The following DPYD variants were observed in gnomAD, a reference collection of about 807,000 sequenced individuals.
DPYD encodes the protein dihydropyrimidine dehydrogenase [NADP(+)].
In DPYD, 109 loss-of-function variants were observed where a neutral mutation model predicts 116.2. The ratio of observed to expected loss-of-function variants is 0.94; its 90% CI spans 0.80 to 1.10. DPYD has a LOEUF of 1.10. DPYD is among the 50% of genes least tolerant of loss of function. The pLI is 0.00. For synonymous variants in DPYD, 440 were observed against 432.0 expected, an observed-to-expected ratio of 1.02 and a Z score of -0.23; for missense variants, 1,302 against 1,254.5, an observed-to-expected ratio of 1.04 and a Z score of -0.57.
At chr1:97,457,123 A>C (rs941513609) in intron 13 of DPYD, among the ~76,000 whole-genome samples, 4 of 152,156 alleles carry the variant, frequency 2.6e-5, no homozygotes, top group Non-Finnish European at 4.4e-5. Context: ...GTAAGGAAGA[A>C]CAAAGAAGAG....
intron 16 of DPYD, among the ~76,000 whole-genome samples, chr1:97,363,282 C>T (rs974154363): frequency 4.6e-5 from 7 of 152,112 alleles, no homozygotes; most frequent in African/African-American, 1.7e-4. Context: ...GAATGCCCAT[C>T]ATTAAAAAGT....
At chr1:97,911,392 A>G (rs1673927762) in intron 1 of DPYD, among the ~76,000 whole-genome samples, 1 of 152,106 alleles carries the variant, frequency 6.6e-6, no homozygotes, top group South Asian at 2.1e-4. Context: ...ACAGAGCCTT[A>G]AGCATACCAA....
At chr1:97,306,870 C>G (rs1667205724) in intron 16 of DPYD, among the ~76,000 whole-genome samples, 1 of 151,872 alleles carries the variant, frequency 6.6e-6, no homozygotes, top group Admixed American at 6.6e-5. Context: ...TGATCAGTAA[C>G]TTTAATTTAC....
In DPYD at chr1:97,168,357, T is replaced by C. The variant is rs544388996; in HGVS notation, c.2622+24712A>G. On this transcript the variant is annotated intron_variant, in intron 20 of 22. Coordinates refer to ENST00000370192, the MANE Select transcript of DPYD (RefSeq NM_000110.4). ...TTGGAATTTGGGCTTTCATTTCCTG[T>C]TGTCTGGGTTCAAATCTCAGCTGAG... 1.1e-4 allele frequency among the ~76,000 whole-genome samples: 17 copies of C among 152,288 alleles called. No homozygotes were observed. In the South Asian group the frequency reaches 3.1e-3, roughly 28 times the overall value.
At chr1:97,232,347 C>T (rs189010303) in intron 19 of DPYD, among the ~76,000 whole-genome samples, 2 of 152,250 alleles carry the variant, frequency 1.3e-5, no homozygotes, top group Admixed American at 1.3e-4. Flanking sequence ...CTTCAGTTTT[C>T]AGAAATTTGA....
At chr1:97,584,961 T>G (rs1212612908) in intron 10 of DPYD, among the ~76,000 whole-genome samples, 1 of 149,240 alleles carries the variant, frequency 6.7e-6, no homozygotes, top group Non-Finnish European at 1.5e-5. Context: ...ATAATAATAA[T>G]AATAATAAAG....
At chr1:97,914,571 G>A (rs933896949) in intron 1 of DPYD, among the ~76,000 whole-genome samples, 1 of 152,042 alleles carries the variant, frequency 6.6e-6, no homozygotes, top group Non-Finnish European at 1.5e-5. Context: ...TATGTATGTT[G>A]CAGTAAAAAA....
chr1:97,152,447 C>A (rs1307126663), intron 20 of DPYD, among the ~76,000 whole-genome samples: 1 of 151,348 alleles, frequency 6.6e-6, no homozygotes, highest in Non-Finnish European at 1.5e-5. Flanking sequence ...CATACACACA[C>A]ACACACACAC....
rs1471472600 is a variant in DPYD at position 97,451,568 on chromosome 1, C to T, written c.1741-1345G>A. On this transcript the variant is annotated intron_variant, in intron 13 of 22. Coordinates refer to ENST00000370192, the MANE Select transcript of DPYD (RefSeq NM_000110.4). Reference sequence around the variant, plus strand: ...TTGTAATTGTGTGCAACATCACCAGCCTTGCTTTGATTTGCTATTGTGAAA... The same window carrying T: ...TTGTAATTGTGTGCAACATCACCAGTCTTGCTTTGATTTGCTATTGTGAAA... Among the ~76,000 whole-genome samples, 66 of 152,106 alleles carry T rather than the reference C, an allele frequency of 4.3e-4. 2 individuals carry two copies. Among genetic ancestry groups the T allele is most frequent in the Non-Finnish European group, 1.5e-5 (1 of 68,022 alleles).
chr1:97,809,919 A>G (rs1005155517), intron 3 of DPYD, among the ~76,000 whole-genome samples: 9 of 152,154 alleles, frequency 5.9e-5, no homozygotes, highest in Non-Finnish European at 1.3e-4. Flanking sequence ...AGGTGTCTAC[A>G]GGAAGGATGG....
At chr1:97,665,442 T>G (rs1044757878) in intron 8 of DPYD, among the ~76,000 whole-genome samples, 3 of 152,194 alleles carry the variant, frequency 2.0e-5, no homozygotes, top group African/African-American at 7.2e-5. Context: ...TTTGTGTTTT[T>G]CTAAGTATCA....
chr1:97,507,291 A>T (rs1368254302), intron 13 of DPYD, among the ~76,000 whole-genome samples: 1 of 152,010 alleles, frequency 6.6e-6, no homozygotes, highest in Non-Finnish European at 1.5e-5. Context: ...TCTCCCAGAT[A>T]AAAAGCTTAC....
intron 3 of DPYD, among the ~76,000 whole-genome samples, chr1:97,766,678 C>T (rs1006497264): frequency 7.9e-5 from 12 of 152,082 alleles, no homozygotes; most frequent in Admixed American, 2.6e-4. Flanking sequence ...TGTCAAATCC[C>T]TAAATAGCAG....
intron 10 of DPYD, among the ~76,000 whole-genome samples, chr1:97,581,565 A>G (rs1015465571): frequency 1.3e-5 from 2 of 151,266 alleles, no homozygotes; most frequent in Non-Finnish European, 2.9e-5. Flanking sequence ...AAAATAGAGA[A>G]ACCTCATCTC....
chr1:97,205,357 T>A (rs951261769), intron 19 of DPYD, among the ~76,000 whole-genome samples: 3 of 151,888 alleles, frequency 2.0e-5, no homozygotes, highest in Non-Finnish European at 4.4e-5. Flanking sequence ...ACCACTGATC[T>A]TTTTTACTGT....
intron 8 of DPYD, among the ~76,000 whole-genome samples, chr1:97,609,918 T>C (rs192328199): frequency 2.0e-5 from 3 of 152,132 alleles, no homozygotes; most frequent in Admixed American, 6.6e-5. Flanking sequence ...CCACACCCAC[T>C]TAAACTTAAA....
At chr1:97,368,380 G>C (rs993914412) in intron 16 of DPYD, among the ~76,000 whole-genome samples, 1 of 152,140 alleles carries the variant, frequency 6.6e-6, no homozygotes, top group African/African-American at 2.4e-5. Context: ...ACAAAATTCT[G>C]TGCTTTACTA....
intron 7 of DPYD, among the ~76,000 whole-genome samples, chr1:97,687,971 G>A (rs1179373687): frequency 6.6e-6 from 1 of 152,124 alleles, no homozygotes; most frequent in Non-Finnish European, 1.5e-5. Flanking sequence ...ACTGGGGCCA[G>A]TTGAGTGGGG....
At chr1:97,423,802 T>G (rs1185543409) in intron 14 of DPYD, among the ~76,000 whole-genome samples, 1 of 152,162 alleles carries the variant, frequency 6.6e-6, no homozygotes, top group Non-Finnish European at 1.5e-5. Context: ...CTTTACTTTC[T>G]AGTCCTCTTC....
Sources: allele counts gnomAD v4.1 joint callset (sites outside exome capture counted in the v4.1 genomes callset), GRCh38; gene constraint gnomAD v4.1.1; transcripts MANE v1.5; gene names NCBI Gene and HGNC (gene_info 2026-07-23, HGNC 2026-07-21).